The following CSMD3 variants were observed in gnomAD, a reference collection of about 807,000 sequenced individuals.
CSMD3 encodes the protein CUB and sushi domain-containing protein 3.
A neutral mutation model predicts 435.2 loss-of-function variants in CSMD3; 177 were observed. The ratio of observed to expected loss-of-function variants is 0.41; its 90% CI spans 0.36 to 0.46. The LOEUF (loss-of-function observed/expected upper bound fraction) is 0.46. CSMD3 is among the 20% of genes least tolerant of loss of function. The pLI is 0.34. For missense variants in CSMD3, 4,265 were observed against 4,504.6 expected, an observed-to-expected ratio of 0.95 and a Z score of 1.52; for synonymous variants, 1,656 against 1,520.5, an observed-to-expected ratio of 1.09 and a Z score of -2.07.
intron 23 of CSMD3, among the ~76,000 whole-genome samples, chr8:112,582,847 T>C (rs981529291): frequency 3.9e-5 from 6 of 151,986 alleles, no homozygotes; most frequent in African/African-American, 1.4e-4. Flanking sequence ...AAAAAACTTA[T>C]TCATCCCTTT....
intron 9 of CSMD3, among the ~76,000 whole-genome samples, chr8:112,942,362 G>C (rs558990953): frequency 6.6e-6 from 1 of 151,354 alleles, no homozygotes; most frequent in Non-Finnish European, 1.5e-5. Context: ...CCATTATTGC[G>C]TATATACCCA....
intron 58 of CSMD3, among the ~76,000 whole-genome samples, 156 bp from the exon 59 acceptor site, chr8:112,281,506 T>A (rs1251481179): frequency 6.6e-6 from 1 of 152,212 alleles, no homozygotes; most frequent in Non-Finnish European, 1.5e-5. Flanking sequence ...AAATTCAAGA[T>A]GAATGTATGT....
At chr8:112,298,549 T>G (rs1586696066) in intron 53 of CSMD3, among the ~76,000 whole-genome samples, 2 of 152,010 alleles carry the variant, frequency 1.3e-5, no homozygotes, top group South Asian at 4.1e-4. Context: ...AGTAGGCAAG[T>G]CATAGAATAA....
chr8:112,351,664 T>C (rs1233587443), intron 39 of CSMD3, among the ~76,000 whole-genome samples: 1 of 151,948 alleles, frequency 6.6e-6, no homozygotes, highest in Non-Finnish European at 1.5e-5. Context: ...CAAGTCAAAG[T>C]ATATTAACTT....
intron 6 of CSMD3, among the ~76,000 whole-genome samples, chr8:112,982,966 A>T (rs1446747773): frequency 6.6e-6 from 1 of 152,006 alleles, no homozygotes; most frequent in Admixed American, 6.6e-5. Context: ...GAATAGAGGT[A>T]TGAAAAAGAG....
chr8:113,327,423 T>C (rs1341408156), intron 1 of CSMD3, among the ~76,000 whole-genome samples: 1 of 152,180 alleles, frequency 6.6e-6, no homozygotes, highest in Non-Finnish European at 1.5e-5. Flanking sequence ...AAATCTGGAA[T>C]TAATATAAGG....
intron 13 of CSMD3, among the ~76,000 whole-genome samples, chr8:112,742,706 T>G (rs537669556): frequency 4.3e-4 from 66 of 151,926 alleles, no homozygotes; most frequent in African/African-American, 1.6e-3. Context: ...AAAAAAAATA[T>G]CCCATAGCTG....
At chr8:112,908,248 A>T (rs920689372) in intron 10 of CSMD3, among the ~76,000 whole-genome samples, 1 of 151,464 alleles carries the variant, frequency 6.6e-6, no homozygotes, top group Admixed American at 6.6e-5. Context: ...CCTGTATTTA[A>T]TATTCAATCT....
chr8:112,884,726 C>A (rs1471045700), intron 10 of CSMD3, among the ~76,000 whole-genome samples: 1 of 149,394 alleles, frequency 6.7e-6, no homozygotes, highest in Non-Finnish European at 1.5e-5. Context: ...TCCTTTGTTT[C>A]TTTTTACTTG....
rs1304387752 is a variant in CSMD3 at position 112,319,994 on chromosome 8, AC to A, written c.7166-14del. 2 of 1,584,252 alleles carry A rather than the reference AC, an allele frequency of 1.3e-6. No homozygotes were observed. The highest frequency in any genetic ancestry group is 1.7e-6 in the Non-Finnish European group (2 of 1,153,128). On this transcript the variant is annotated splice_polypyrimidine_tract_variant and intron_variant, in intron 45 of 70. Transcript: ENST00000297405. ...CTTAGTTGATAGGCTACAAAAATAA[AC>A]AAAGTGTTTATTCCTTTTCTGTGCA...
intron 9 of CSMD3, among the ~76,000 whole-genome samples, chr8:112,927,715 G>GT (rs1036445107): frequency 6.6e-6 from 1 of 151,932 alleles, no homozygotes; most frequent in African/African-American, 2.4e-5. Context: ...TGAATACCAT[G>GT]TTTTTTTATA....
intron 38 of CSMD3, among the ~76,000 whole-genome samples, chr8:112,366,486 C>T (rs1031754935): frequency 6.6e-6 from 1 of 152,192 alleles, no homozygotes; most frequent in African/African-American, 2.4e-5. Context: ...CAACCTCTGC[C>T]TCCCGGGTTC....
intron 11 of CSMD3, among the ~76,000 whole-genome samples, chr8:112,852,272 T>C (rs565835097): frequency 6.6e-6 from 1 of 152,276 alleles, no homozygotes; most frequent in East Asian, 1.9e-4. Flanking sequence ...GTGATAAGAT[T>C]AGAATTAAGG....
chr8:113,213,905 C>A (rs974093171), intron 3 of CSMD3, among the ~76,000 whole-genome samples: 1 of 151,856 alleles, frequency 6.6e-6, no homozygotes, highest in Non-Finnish European at 1.5e-5. Flanking sequence ...GTCATATATT[C>A]TTCTATAAAC....
intron 32 of CSMD3, among the ~76,000 whole-genome samples, chr8:112,445,396 C>T (rs1815487510): frequency 6.6e-6 from 1 of 152,102 alleles, no homozygotes; most frequent in Non-Finnish European, 1.5e-5. Context: ...GTACAGGATA[C>T]ATGGCGCTGG....
intron 5 of CSMD3, among the ~76,000 whole-genome samples, chr8:113,096,156 A>G (rs2090156402): frequency 6.6e-6 from 1 of 152,138 alleles, no homozygotes. Flanking sequence ...AGATTTGTAT[A>G]TCCAACTGTC....
intron 31 of CSMD3, among the ~76,000 whole-genome samples, chr8:112,477,212 G>C (rs1242701334): frequency 6.6e-6 from 1 of 151,608 alleles, no homozygotes; most frequent in African/African-American, 2.4e-5. Context: ...TTTTCTTTCT[G>C]CGATGGAAAT....
chr8:112,934,175 T>C (rs1377280651), intron 9 of CSMD3, among the ~76,000 whole-genome samples: 1 of 152,138 alleles, frequency 6.6e-6, no homozygotes. Context: ...TTGTGGATGT[T>C]ACACATTGTA....
chr8:112,267,525 T>C (rs912867338), intron 59 of CSMD3, among the ~76,000 whole-genome samples: 1 of 152,034 alleles, frequency 6.6e-6, no homozygotes, highest in Admixed American at 6.6e-5. Context: ...TTCAATTTAT[T>C]ATTTTATTTT....
Sources: allele counts gnomAD v4.1 joint callset (sites outside exome capture counted in the v4.1 genomes callset), GRCh38; gene constraint gnomAD v4.1.1; transcripts MANE v1.5; gene names NCBI Gene and HGNC (gene_info 2026-07-23, HGNC 2026-07-21).